Variants in TIAM1 observed in about 807,000 individuals in gnomAD.
TIAM1 encodes the protein TIAM Rac1 associated GEF 1.
In TIAM1, 65 loss-of-function variants were observed where a neutral mutation model predicts 163.5. That is an observed-to-expected ratio of 0.40 (90% CI 0.33 to 0.49). TIAM1 has a LOEUF of 0.49. TIAM1 is among the 20% of genes least tolerant of loss of function. The pLI is 0.77. For synonymous variants in TIAM1, 833 were observed against 810.1 expected, an observed-to-expected ratio of 1.03 and a Z score of -0.48; for missense variants, 1,789 against 2,044.7, an observed-to-expected ratio of 0.87 and a Z score of 2.41.
intron 14 of TIAM1, among the ~76,000 whole-genome samples, chr21:31,182,955 T>A (rs2085106165): frequency 6.6e-6 from 1 of 152,226 alleles, no homozygotes; most frequent in Non-Finnish European, 1.5e-5. Flanking sequence ...ATTCCGGTTA[T>A]CTTCCTACAC....
chr21:31,243,207 A>ATAT (rs1257885611), intron 6 of TIAM1, among the ~76,000 whole-genome samples: 1,556 of 117,114 alleles, frequency 0.013, 17 homozygotes, highest in African/African-American at 0.035. Context: ...AAAAAAAAAA[A>ATAT]AAATATATAT....
At chr21:31,430,549 GA>G (rs143573348) in intron 2 of TIAM1, among the ~76,000 whole-genome samples, 4 of 151,902 alleles carry the variant, frequency 2.6e-5, no homozygotes, top group African/African-American at 7.3e-5. Context: ...GACAAAGGGG[GA>G]AAAAAGATGA....
In TIAM1 at chr21:31,312,685, T is replaced by A. The variant is rs192343464; in HGVS notation, c.-189+26558A>T. 1.9e-3 allele frequency among the ~76,000 whole-genome samples: 288 copies of A among 152,292 alleles called. 1 individual carries two copies. Among genetic ancestry groups the A allele is most frequent in the Middle Eastern group, 6.8e-3 (2 of 294 alleles). On this transcript the variant is annotated intron_variant, in intron 2 of 27. Transcript: ENST00000541036. ...ACTTTACAATGAGCAAACTGAGGCT[T>A]GGAGAGGTCAACTATATGGCCCAAG...
intron 2 of TIAM1, among the ~76,000 whole-genome samples, chr21:31,446,253 T>C (rs1330091403): frequency 6.6e-6 from 1 of 152,202 alleles, no homozygotes; most frequent in Non-Finnish European, 1.5e-5. Context: ...TGTGTTTGTT[T>C]TTTAACTTAC....
chr21:31,130,587 A>G lies in TIAM1; in HGVS notation c.3943-272T>C, dbSNP rs143521746. Among the ~76,000 whole-genome samples, 285 of 152,298 alleles carry G rather than the reference A, an allele frequency of 1.9e-3. 2 individuals carry two copies. The highest frequency in any genetic ancestry group is 9.9e-3 in the South Asian group (48 of 4,826). ...AGAAAAAGGATCCCAAAAGAAGAAC[A>G]GGGGCAACAGAGAAGGGGAAAAGTA... On this transcript the variant is annotated intron_variant, in intron 24 of 27. Transcript: ENST00000541036.
At chr21:31,451,460 C>T (rs1317611402) in intron 2 of TIAM1, among the ~76,000 whole-genome samples, 1 of 152,114 alleles carries the variant, frequency 6.6e-6, no homozygotes, top group Non-Finnish European at 1.5e-5. Flanking sequence ...CTGAGTAATC[C>T]AATTTCAATG....
chr21:31,324,238 G>C (rs2075411486), intron 2 of TIAM1, among the ~76,000 whole-genome samples: 1 of 152,042 alleles, frequency 6.6e-6, no homozygotes, highest in Non-Finnish European at 1.5e-5. Flanking sequence ...TCAGTGGACA[G>C]ACTGTGGGTG....
chr21:31,402,227 A>T (rs1042922384), intron 2 of TIAM1, among the ~76,000 whole-genome samples: 2 of 151,870 alleles, frequency 1.3e-5, no homozygotes, highest in Non-Finnish European at 2.9e-5. Context: ...AAACAACAAC[A>T]ACAAAAAATT....
chr21:31,381,502 T>C (rs1228701153), intron 2 of TIAM1, among the ~76,000 whole-genome samples: 2 of 152,058 alleles, frequency 1.3e-5, no homozygotes, highest in African/African-American at 4.8e-5. Context: ...TCCCTGTCTC[T>C]ACTAAAAATA....
At chr21:31,533,415 G>A (rs1450605709) in intron 1 of TIAM1, among the ~76,000 whole-genome samples, 1 of 152,076 alleles carries the variant, frequency 6.6e-6, no homozygotes, top group African/African-American at 2.4e-5. Context: ...TATTCAACCA[G>A]GTATATCACG....
chr21:31,380,268 T>C (rs140485204), intron 2 of TIAM1, among the ~76,000 whole-genome samples: 166 of 151,794 alleles, frequency 1.1e-3, no homozygotes, highest in Non-Finnish European at 1.9e-3. Context: ...AAACAATAAA[T>C]GTTAAGTGGC....
chr21:31,326,674 T>C (rs138032818), intron 2 of TIAM1, among the ~76,000 whole-genome samples: 147 of 152,306 alleles, frequency 9.7e-4, no homozygotes, highest in African/African-American at 3.3e-3. Context: ...CAGGTAATAC[T>C]CGGGAAGTAT....
chr21:31,252,032 G>A lies in TIAM1; in HGVS notation c.1121C>T (p.Ser374Phe), dbSNP rs1460528383. The A allele has an allele frequency of 6.2e-7, 1 of 1,614,132 alleles. No homozygotes were observed. The highest frequency in any genetic ancestry group is 8.5e-7 in the Non-Finnish European group (1 of 1,180,032). Residue 374 changes from serine to phenylalanine, a missense_variant, in exon 5 of 28, where the codon TCC becomes TTC. This residue lies in a region of TIAM1 where 555 missense variants were observed against 564.9 expected (regional missense o/e 0.98). Coordinates refer to ENST00000541036, the MANE Select transcript of TIAM1 (RefSeq NM_001353694.2). Reference sequence around the variant, plus strand: ...CCCCTGACGAGCCGCATCCCCGGTGGAGCTGCTGCCGCTGTCGCTGCCCAC... The same window carrying A: ...CCCCTGACGAGCCGCATCCCCGGTGAAGCTGCTGCCGCTGTCGCTGCCCAC... ...AFVGSDSGSSSTGDAARQGVY... is the reference protein window; with the variant it reads ...AFVGSDSGSSFTGDAARQGVY...
intron 1 of TIAM1, among the ~76,000 whole-genome samples, chr21:31,476,274 T>A (rs2045933300): frequency 6.6e-6 from 1 of 152,256 alleles, no homozygotes; most frequent in African/African-American, 2.4e-5. Context: ...AAATGTCTCC[T>A]AGCTTTACTG....
upstream of TIAM1, among the ~76,000 whole-genome samples, chr21:31,348,546 G>T (rs1368977740): frequency 6.6e-6 from 1 of 152,206 alleles, no homozygotes; most frequent in Non-Finnish European, 1.5e-5. Context: ...TATTTGGACT[G>T]CTATGGAAAT....
chr21:31,267,669 C>G (rs2146823188), intron 3 of TIAM1, among the ~76,000 whole-genome samples: 1 of 150,396 alleles, frequency 6.6e-6, no homozygotes, highest in South Asian at 2.1e-4. Flanking sequence ...ATGTCACAGC[C>G]TTCTGAGAAC....
At chr21:31,264,784 C>T (rs1182518520) in intron 4 of TIAM1, among the ~76,000 whole-genome samples, 1 of 152,214 alleles carries the variant, frequency 6.6e-6, no homozygotes. Flanking sequence ...GCAGTACCAC[C>T]TCCTACTGGG....
chr21:31,459,758 A>G (rs887615860), intron 2 of TIAM1, among the ~76,000 whole-genome samples: 3 of 152,200 alleles, frequency 2.0e-5, no homozygotes, highest in African/African-American at 7.2e-5. Context: ...AGCAATGCAC[A>G]AGGAACTTTT....
chr21:31,487,797 T>C (rs1391988921), intron 1 of TIAM1, among the ~76,000 whole-genome samples: 1 of 151,832 alleles, frequency 6.6e-6, no homozygotes, highest in Non-Finnish European at 1.5e-5. Context: ...GACCTCATGA[T>C]CCACCCGCCT....
Sources: allele counts gnomAD v4.1 joint callset (sites outside exome capture counted in the v4.1 genomes callset), GRCh38; gene constraint gnomAD v4.1.1; regional missense constraint gnomAD v4.1.1; transcripts MANE v1.5; gene names NCBI Gene and HGNC (gene_info 2026-07-23, HGNC 2026-07-21).